ARHGEF9: variants seen among roughly 807,000 people sequenced by gnomAD.
ARHGEF9 encodes the protein Cdc42 guanine nucleotide exchange factor 9, also known as rho guanine nucleotide exchange factor 9.
Under a neutral mutation model 41.3 loss-of-function variants are expected in ARHGEF9, and 2 were observed. That is an observed-to-expected ratio of 0.05 (90% CI 0.02 to 0.15). ARHGEF9 has a LOEUF of 0.15. Among genes scored for constraint, ARHGEF9 ranks in the 10% least tolerant of loss-of-function variants. The pLI is 1.00. For missense variants in ARHGEF9, 225 were observed against 424.7 expected, an observed-to-expected ratio of 0.53 and a Z score of 4.13; for synonymous variants, 160 against 154.4, an observed-to-expected ratio of 1.04 and a Z score of -0.27.
At chrX:63,656,139 C>T (rs1304621927) in intron 7 of ARHGEF9, among the ~76,000 whole-genome samples, 1 of 111,123 alleles carries the variant, frequency 9.0e-6, no homozygotes, top group East Asian at 2.9e-4. Flanking sequence ...CTGTGCAGGC[C>T]AGTGAGACCT....
At chrX:63,781,986 C>A (rs1556462457) in intron 1 of ARHGEF9, among the ~76,000 whole-genome samples, 1 of 111,941 alleles carries the variant, frequency 8.9e-6, no homozygotes, top group Non-Finnish European at 1.9e-5. Context: ...CTCAAATGCC[C>A]CTTAACTAGT....
chrX:63,678,031 G>A (rs781846814), intron 5 of ARHGEF9, among the ~76,000 whole-genome samples: 119 of 111,340 alleles, frequency 1.1e-3, no homozygotes, highest in Non-Finnish European at 1.8e-3. Context: ...CTTTGGGTTC[G>A]TTTTTGGATT....
intron 8 of ARHGEF9, among the ~76,000 whole-genome samples, chrX:63,651,257 A>C: frequency 9.0e-6 from 1 of 111,600 alleles, no homozygotes; most frequent in Non-Finnish European, 1.9e-5. Flanking sequence ...CAAAGAATAA[A>C]CATCTAAGAA....
Position 63,637,927 on chromosome X carries a change from T to C in ARHGEF9, c.*101A>G. ...GTGTACTCAAGGGTCTCTGTGTGTG[T>C]GTGTGTGTATAAATTTCAACAGTGC... On this transcript the variant is annotated 3_prime_UTR_variant, in exon 10 of 10. Coordinates refer to ENST00000671741, the MANE Select transcript of ARHGEF9 (RefSeq NM_001353921.2). 3.1e-6 allele frequency: 2 copies of C among 655,440 alleles called. No homozygotes were observed. The highest frequency in any genetic ancestry group is 4.6e-6 in the Non-Finnish European group (2 of 436,745). 54.0% of individuals were successfully genotyped at this position (655,440 alleles called of 1,213,427 possible). A position where few individuals can be genotyped will look rare whatever the true frequency, so the allele number is the denominator to read the frequency against.
chrX:63,750,671 A>G (rs1476308608), intron 1 of ARHGEF9, among the ~76,000 whole-genome samples: 1 of 110,980 alleles, frequency 9.0e-6, no homozygotes, highest in Non-Finnish European at 1.9e-5. Flanking sequence ...TGATGCAGCC[A>G]AAAGTTAGGG....
intron 3 of ARHGEF9, among the ~76,000 whole-genome samples, chrX:63,703,786 G>T (rs1164432096): frequency 4.5e-5 from 5 of 111,675 alleles, no homozygotes; most frequent in African/African-American, 9.8e-5. Flanking sequence ...GCAGTGCAAG[G>T]TTACAGGTTT....
chrX:63,699,158 A>G (rs2051977743), intron 3 of ARHGEF9, among the ~76,000 whole-genome samples: 1 of 111,802 alleles, frequency 8.9e-6, no homozygotes, highest in Middle Eastern at 4.2e-3. Context: ...AGCAGTGAGC[A>G]TATCATCTCA....
At chrX:63,763,153 GC>G (rs782680625) in intron 1 of ARHGEF9, among the ~76,000 whole-genome samples, 143 of 110,502 alleles carry the variant, frequency 1.3e-3, no homozygotes, top group African/African-American at 4.3e-3. Flanking sequence ...GGGATTTGGG[GC>G]CCCTAATCCC....
At chrX:63,716,292 G>T (rs187726194) in intron 2 of ARHGEF9, among the ~76,000 whole-genome samples, 1,291 of 89,414 alleles carry the variant, frequency 0.014, 19 homozygotes, top group African/African-American at 0.05. Flanking sequence ...CTGTCTCAAA[G>T]AAAAAAAAAA....
chrX:63,662,305 A>G (rs1398439837), intron 7 of ARHGEF9, among the ~76,000 whole-genome samples: 3 of 111,991 alleles, frequency 2.7e-5, no homozygotes, highest in Non-Finnish European at 5.6e-5. Flanking sequence ...TGTTTTATCT[A>G]TCACTCCATA....
intron 1 of ARHGEF9, among the ~76,000 whole-genome samples, chrX:63,734,923 G>C (rs2054521506): frequency 9.0e-6 from 1 of 111,180 alleles, no homozygotes; most frequent in South Asian, 3.8e-4. Flanking sequence ...AATGGACTCA[G>C]CAATGCCCTC....
chrX:63,643,221 C>T (rs1403053323), intron 9 of ARHGEF9, among the ~76,000 whole-genome samples: 1 of 111,908 alleles, frequency 8.9e-6, no homozygotes, highest in Non-Finnish European at 1.9e-5. Context: ...TTCTTAAGTA[C>T]TTTGGCTTGT....
At chrX:63,758,222 A>G (rs1190469814) in intron 1 of ARHGEF9, among the ~76,000 whole-genome samples, 1 of 108,750 alleles carries the variant, frequency 9.2e-6, no homozygotes, top group Non-Finnish European at 1.9e-5. Flanking sequence ...TCATTCCTAA[A>G]TTGCAGACAA....
chrX:63,763,055 A>C (rs1351552147), intron 1 of ARHGEF9, among the ~76,000 whole-genome samples: 1 of 112,210 alleles, frequency 8.9e-6, no homozygotes, highest in East Asian at 2.8e-4. Flanking sequence ...TTTGTTATAG[A>C]TAAGGCTTCC....
intron 1 of ARHGEF9, among the ~76,000 whole-genome samples, chrX:63,760,471 C>T (rs1362925071): frequency 8.9e-6 from 1 of 111,810 alleles, no homozygotes; most frequent in African/African-American, 3.3e-5. Context: ...CTTATTCTGA[C>T]AGCTAAGGGA....
At chrX:63,720,323 A>G (rs1252021749) in intron 2 of ARHGEF9, among the ~76,000 whole-genome samples, 1 of 112,265 alleles carries the variant, frequency 8.9e-6, no homozygotes. Flanking sequence ...ATATATAACA[A>G]GAATACGGTC....
chrX:63,783,215 C>T (rs1190187270), intron 1 of ARHGEF9, among the ~76,000 whole-genome samples: 1 of 111,321 alleles, frequency 9.0e-6, no homozygotes, highest in Non-Finnish European at 1.9e-5. Flanking sequence ...TAAGTCTCAC[C>T]CTGACCCAGT....
At chrX:63,687,147 A>T (rs1428157969) in intron 4 of ARHGEF9, among the ~76,000 whole-genome samples, 3 of 111,795 alleles carry the variant, frequency 2.7e-5, no homozygotes. Flanking sequence ...AGGCTGTTTA[A>T]CAGCATCACG....
At chrX:63,747,199 CTGA>C (rs1415140515) in intron 1 of ARHGEF9, among the ~76,000 whole-genome samples, 2 of 112,083 alleles carry the variant, frequency 1.8e-5, no homozygotes, top group Admixed American at 1.9e-4. Flanking sequence ...CCTTATTTTG[CTGA>C]TGAAGAAAAC....
Sources: gnomAD v4.1 joint callset for allele counts (sites outside exome capture counted in the v4.1 genomes callset) on GRCh38, gnomAD v4.1.1 for gene constraint, MANE v1.5 for transcripts, NCBI Gene and HGNC (gene_info 2026-07-23, HGNC 2026-07-21) for gene names.